Variants in IL12RB2 observed in about 807,000 individuals in gnomAD.
IL12RB2 encodes interleukin 12 receptor subunit beta 2.
A neutral mutation model predicts 89.4 loss-of-function variants in IL12RB2; 82 were observed. That is an observed-to-expected ratio of 0.92 (90% confidence interval 0.77 to 1.10). IL12RB2 has a LOEUF of 1.10. Among genes scored for constraint, IL12RB2 ranks in the 50% least tolerant of loss-of-function variants. The pLI is 0.00. For missense variants in IL12RB2, 963 were observed against 1,031.9 expected, an observed-to-expected ratio of 0.93 and a Z score of 0.92; for synonymous variants, 368 against 370.1, an observed-to-expected ratio of 0.99 and a Z score of 0.07.
At chr1:67,331,712 G>A (rs1344566998) in intron 8 of IL12RB2, among the ~76,000 whole-genome samples, 2 of 152,098 alleles carry the variant, frequency 1.3e-5, no homozygotes, top group Non-Finnish European at 2.9e-5. Flanking sequence ...CGTGGTGCGT[G>A]CCTGTAATCC....
chr1:67,342,761 CT>C (rs71062413), intron 9 of IL12RB2, among the ~76,000 whole-genome samples: 1,843 of 137,120 alleles, frequency 0.013, 34 homozygotes, highest in African/African-American at 0.036. Flanking sequence ...AAAATCACAC[CT>C]TTTTTTTTTT....
chr1:67,336,429 T>A (rs1158901008), intron 8 of IL12RB2, among the ~76,000 whole-genome samples: 1 of 152,156 alleles, frequency 6.6e-6, no homozygotes, highest in Admixed American at 6.5e-5. Flanking sequence ...TTTTTTTCTT[T>A]TTGCATCTAA....
At chr1:67,356,638 T>G (rs1451217462) in intron 10 of IL12RB2, among the ~76,000 whole-genome samples, 1 of 152,206 alleles carries the variant, frequency 6.6e-6, no homozygotes, top group Admixed American at 6.5e-5. Flanking sequence ...CTTGTATCAC[T>G]GCAGGGTCTC....
intron 1 of IL12RB2, among the ~76,000 whole-genome samples, chr1:67,310,906 G>A (rs1180955067): frequency 2.0e-5 from 3 of 152,064 alleles, no homozygotes; most frequent in Non-Finnish European, 2.9e-5. Context: ...TGTATTTTTA[G>A]TACAGACGGA....
chr1:67,320,238 A>T, intron 2 of IL12RB2, 95 bp from the exon 3 acceptor site: 1 of 1,568,026 alleles, frequency 6.4e-7, no homozygotes, highest in Non-Finnish European at 8.7e-7. Context: ...CAAGGTGGAG[A>T]AAAATAAAGC....
chr1:67,307,752 C>CGCCCCG (rs1654449887), upstream of IL12RB2: 1 of 152,260 alleles, frequency 6.6e-6, no homozygotes, highest in African/African-American at 2.4e-5. Flanking sequence ...CCCCGACCCC[C>CGCCCCG]GCCCCGGCCC....
At chr1:67,331,775 G>T (rs1241902077) in intron 8 of IL12RB2, among the ~76,000 whole-genome samples, 3 of 152,242 alleles carry the variant, frequency 2.0e-5, no homozygotes, top group Admixed American at 6.5e-5. Context: ...GGAGGCAAAG[G>T]TTGCAATGAG....
chr1:67,336,356 C>T (rs973375528), intron 8 of IL12RB2, among the ~76,000 whole-genome samples: 2 of 152,106 alleles, frequency 1.3e-5, no homozygotes, highest in Admixed American at 6.5e-5. Context: ...ATATAGTGTC[C>T]GGACACCACC....
chr1:67,310,365 G>C (rs1654884430), intron 1 of IL12RB2, among the ~76,000 whole-genome samples: 1 of 152,078 alleles, frequency 6.6e-6, no homozygotes, highest in Admixed American at 6.5e-5. Context: ...CTTAGACTTA[G>C]TGAATATAAA....
intron 16 of IL12RB2, among the ~76,000 whole-genome samples, chr1:67,391,379 G>A (rs898159538): frequency 7.2e-6 from 1 of 139,596 alleles, no homozygotes. Context: ...GTGTGTGTGT[G>A]TGTGTCTATA....
intron 13 of IL12RB2, among the ~76,000 whole-genome samples, chr1:67,374,151 G>A (rs527433696): frequency 2.4e-4 from 36 of 152,208 alleles, no homozygotes; most frequent in African/African-American, 7.9e-4. Flanking sequence ...TCAATAATAC[G>A]TGGTAGAGAC....
chr1:67,310,455 G>A (rs1161069312), intron 1 of IL12RB2, among the ~76,000 whole-genome samples: 1 of 152,162 alleles, frequency 6.6e-6, no homozygotes, highest in Non-Finnish European at 1.5e-5. Context: ...TGTCTTAAAT[G>A]ATAGGTGGCA....
At chr1:67,321,444 A>G (rs964749074) in intron 3 of IL12RB2, among the ~76,000 whole-genome samples, 158 bp from the exon 4 acceptor site, 1 of 152,132 alleles carries the variant, frequency 6.6e-6, no homozygotes, top group African/African-American at 2.4e-5. Context: ...TTCTGTTTTC[A>G]TTGTACATCA....
chr1:67,363,060 A>T (rs943578705), intron 10 of IL12RB2, among the ~76,000 whole-genome samples: 9 of 146,132 alleles, frequency 6.2e-5, no homozygotes, highest in Admixed American at 6.2e-4. Context: ...ACGCCACCAC[A>T]CCCGGTTAAT....
chr1:67,336,877 C>A (rs1046591167), intron 8 of IL12RB2, among the ~76,000 whole-genome samples: 2 of 152,164 alleles, frequency 1.3e-5, no homozygotes, highest in African/African-American at 4.8e-5. Flanking sequence ...TTTTCAAATG[C>A]GGGAAACAGC....
At chr1:67,334,454 A>C (rs926813361) in intron 8 of IL12RB2, among the ~76,000 whole-genome samples, 1 of 152,178 alleles carries the variant, frequency 6.6e-6, no homozygotes. Context: ...ATTTTATGTA[A>C]TCTTCACATG....
At chr1:67,337,702 T>C (rs572547235) in intron 8 of IL12RB2, among the ~76,000 whole-genome samples, 1 of 152,278 alleles carries the variant, frequency 6.6e-6, no homozygotes, top group South Asian at 2.1e-4. Flanking sequence ...ATGTGGCATA[T>C]TAAATGAGAT....
rs1490905209 is a variant in IL12RB2 at position 67,390,069 on chromosome 1, A to G, written c.1987A>G (p.Ser663Gly). 2 of 1,400,676 alleles carry G rather than the reference A, an allele frequency of 1.4e-6. No individual in the cohort carries two copies. Among genetic ancestry groups the G allele is most frequent in the Non-Finnish European group, 2.0e-6 (2 of 984,930 alleles). 86.8% of individuals were successfully genotyped at this position (1,400,676 alleles called of 1,614,324 possible). A position where few individuals can be genotyped will look rare whatever the true frequency, so the allele number is the denominator to read the frequency against. ...LLAALRPQWC[S>G]REIPDPANST... ...AGCAGCCCTCAGACCTCAGTGGTGTAGCAGAGAAATTCCAGATCCAGCAAA... is the reference window on the plus strand; with the variant it reads ...AGCAGCCCTCAGACCTCAGTGGTGTGGCAGAGAAATTCCAGATCCAGCAAA... Residue 663 changes from serine (S) to glycine (G), a missense_variant, in exon 16 of 17, where the codon AGC becomes GGC. Coordinates refer to ENST00000674203, the MANE Select transcript of IL12RB2 (RefSeq NM_001374259.2).
chr1:67,310,688 C>T (rs1277818275), intron 1 of IL12RB2, among the ~76,000 whole-genome samples: 7 of 152,042 alleles, frequency 4.6e-5, no homozygotes. Flanking sequence ...GTCATTTAAC[C>T]CTCCCAACAA....
Sources: allele counts gnomAD v4.1 joint callset (sites outside exome capture counted in the v4.1 genomes callset), GRCh38; gene constraint gnomAD v4.1.1; transcripts MANE v1.5; gene names NCBI Gene and HGNC (gene_info 2026-07-23, HGNC 2026-07-21).